HAGH: variants seen among roughly 807,000 people sequenced by gnomAD.
HAGH encodes the protein hydroxyacylglutathione hydrolase, mitochondrial.
In HAGH, 29 loss-of-function variants were observed where a neutral mutation model predicts 35.1. The observed-to-expected ratio is 0.83, with a 90% CI of 0.62 to 1.13. The LOEUF (loss-of-function observed/expected upper bound fraction) is 1.13, where lower values mean the gene tolerates loss of function less well. HAGH is among the 50% of genes most tolerant of loss of function. The probability of loss-of-function intolerance (pLI) is 0.00; values close to 1 mark genes in which losing one functional copy is unlikely to be tolerated. For synonymous variants in HAGH, 225 were observed against 176.1 expected, an observed-to-expected ratio of 1.28 and a Z score of -2.20; for missense variants, 478 against 419.6, an observed-to-expected ratio of 1.14 and a Z score of -1.22.
chr16:1,815,052 C>T (rs1295647203), intron 7 of HAGH, among the ~76,000 whole-genome samples: 1 of 151,602 alleles, frequency 6.6e-6, no homozygotes, highest in African/African-American at 2.4e-5. Flanking sequence ...TTAAAATGGA[C>T]AAAAGATTGA....
intron 1 of HAGH, among the ~76,000 whole-genome samples, chr16:1,825,866 A>C (rs1004114642): frequency 4.6e-5 from 7 of 152,088 alleles, no homozygotes; most frequent in Non-Finnish European, 1.0e-4. Context: ...GCGTCACTGC[A>C]CTTCTTTTTT....
At chr16:1,816,324 A>G (rs931576224) in intron 7 of HAGH, among the ~76,000 whole-genome samples, 1 of 152,138 alleles carries the variant, frequency 6.6e-6, no homozygotes, top group South Asian at 2.1e-4. Context: ...ATTGAAAAAG[A>G]TGCTCAAAAA....
rs534988963 is a variant in HAGH, at chr16:1,818,324, G to A, written c.541+791C>T. Among the ~76,000 whole-genome samples, 4 of 152,276 alleles carry A rather than the reference G, an allele frequency of 2.6e-5. No individual in the cohort carries two copies. The South Asian group carries it at 8.3e-4, about 32-fold the overall frequency. Reference sequence around the variant, plus strand: ...CCCCCAGCCCTGCGCACTGCAGCCTGAAGGCACCTTATCCCTCACAGCGAG... The same window carrying A: ...CCCCCAGCCCTGCGCACTGCAGCCTAAAGGCACCTTATCCCTCACAGCGAG... On this transcript the variant is annotated intron_variant, in intron 5 of 8. Coordinates refer to ENST00000397356, the MANE Select transcript of HAGH (RefSeq NM_005326.6).
intron 1 of HAGH, 187 bp downstream of exon 1, chr16:1,826,524 CG>C (rs991593647): frequency 2.9e-5 from 28 of 980,442 alleles, no homozygotes; most frequent in Non-Finnish European, 3.4e-5. Context: ...TTTCCGCACC[CG>C]CGGCCCCGCG....
At chr16:1,826,182 C>A (rs919086865) in intron 1 of HAGH, among the ~76,000 whole-genome samples, 3 of 152,150 alleles carry the variant, frequency 2.0e-5, no homozygotes, top group East Asian at 1.9e-4. Context: ...CCCTGCGCTG[C>A]GCACCCGCCC....
At chr16:1,814,470 G>A (rs188495240) in intron 7 of HAGH, among the ~76,000 whole-genome samples, 2 of 137,110 alleles carry the variant, frequency 1.5e-5, no homozygotes, top group African/African-American at 5.7e-5. Flanking sequence ...GTGAAACTCC[G>A]TCTCAAAAAA....
chr16:1,816,214 T>TTA (rs1555467542), intron 7 of HAGH, among the ~76,000 whole-genome samples: 2 of 134,066 alleles, frequency 1.5e-5, no homozygotes, highest in East Asian at 4.4e-4. Context: ...AAAAAAAAAT[T>TTA]AAAAAAAAAA....
chr16:1,811,975 G>A (rs1427042481), intron 7 of HAGH, among the ~76,000 whole-genome samples: 1 of 150,974 alleles, frequency 6.6e-6, no homozygotes, highest in Non-Finnish European at 1.5e-5. Context: ...AGGATCACTT[G>A]AGCCCAGAAG....
chr16:1,809,271 T>A lies in HAGH; in HGVS notation c.*12A>T. ...GCCTAATCCCCAAATCCGCTGAAGG[T>A]GCAGGGCGGCCTCAGTCCCGGGGCA... On this transcript the variant is annotated 3_prime_UTR_variant, in exon 9 of 9. Coordinates refer to ENST00000397356, the MANE Select transcript of HAGH (RefSeq NM_005326.6). The A allele has an allele frequency of 1.3e-6, 2 of 1,575,610 alleles. No individual in the cohort carries two copies. Among genetic ancestry groups the A allele is most frequent in the Non-Finnish European group, 1.7e-6 (2 of 1,149,546 alleles).
chr16:1,808,982 C>T lies in HAGH; in HGVS notation c.*301G>A. 1 of 368,436 alleles carries T rather than the reference C, an allele frequency of 2.7e-6. No individual in the cohort carries two copies. Among genetic ancestry groups the T allele is most frequent in the East Asian group, 4.5e-5 (1 of 22,048 alleles). The allele number at this position is 368,436 out of a possible 1,614,324, so 22.8% of individuals were successfully genotyped here. On this transcript the variant is annotated 3_prime_UTR_variant, in exon 9 of 9. Transcript: ENST00000397356. ...CCCAGCCAAGGCCACAGCAAAGGCA[C>T]CGGCTCACGCCTGACCTGAAGCGTG...
At chr16:1,820,459 G>A (rs1042213577) in intron 3 of HAGH, among the ~76,000 whole-genome samples, 5 of 150,528 alleles carry the variant, frequency 3.3e-5, no homozygotes, top group Non-Finnish European at 7.4e-5. Context: ...CCCAGTTTGT[G>A]GCCCGACACT....
At chr16:1,821,217 C>T (rs867700417) in intron 3 of HAGH, among the ~76,000 whole-genome samples, 1 of 152,160 alleles carries the variant, frequency 6.6e-6, no homozygotes, top group Non-Finnish European at 1.5e-5. Context: ...CTGATGACCC[C>T]GAAGAGGCTC....
chr16:1,810,618 A>C (rs566966260), intron 7 of HAGH: 1 of 153,546 alleles, frequency 6.5e-6, no homozygotes, highest in African/African-American at 2.4e-5. Context: ...CGGGGCCAAC[A>C]GTTAGCAGGA....
chr16:1,818,132 G>A (rs74002495), intron 5 of HAGH, among the ~76,000 whole-genome samples: 8,407 of 152,258 alleles, frequency 0.055, 252 homozygotes, highest in East Asian at 0.12. Context: ...AGACAGAGGC[G>A]AACTTGGGGC....
At chr16:1,825,948 C>T (rs1398763841) in intron 1 of HAGH, among the ~76,000 whole-genome samples, 1 of 152,184 alleles carries the variant, frequency 6.6e-6, no homozygotes, top group African/African-American at 2.4e-5. Context: ...TGGGGCCTCC[C>T]TTAGAATGGG....
chr16:1,812,512 A>AAAAC (rs1384347937), intron 7 of HAGH: 1 of 25,278 alleles, frequency 4.0e-5, no homozygotes, highest in Non-Finnish European at 1.1e-4. Flanking sequence ...CTCAAAAAAA[A>AAAAC]AAAAAAACAA....
At chr16:1,826,410 G>T in intron 1 of HAGH, 1 of 315,664 alleles carries the variant, frequency 3.2e-6, no homozygotes, top group Non-Finnish European at 4.6e-6. Context: ...CCTCGGCGCC[G>T]GCCCGGGCAG....
chr16:1,817,133 C>T (rs771881240), intron 6 of HAGH, 35 bp downstream of exon 6: 2 of 1,474,528 alleles, frequency 1.4e-6, no homozygotes, highest in East Asian at 2.3e-5. Context: ...GGTTAAGGCC[C>T]CCCACACCCC....
Position 1,826,814 on chromosome 16 carries a change from C to G in HAGH, c.-27G>C. On this transcript the variant is annotated 5_prime_UTR_variant, in exon 1 of 9. Coordinates refer to ENST00000397356, the MANE Select transcript of HAGH (RefSeq NM_005326.6). ...ACCCGGGCCGGGCTGGACTGCCGAG[C>G]TGCCCAGGACTGCAAAACACCGGCG... 1 of 1,200,844 alleles carries G rather than the reference C, an allele frequency of 8.3e-7. No individual in the cohort carries two copies. Among genetic ancestry groups the G allele is most frequent in the Non-Finnish European group, 1.0e-6 (1 of 958,882 alleles). The allele number at this position is 1,200,844 out of a possible 1,614,324, so 74.4% of individuals were successfully genotyped here.
Sources: allele counts gnomAD v4.1 joint callset (sites outside exome capture counted in the v4.1 genomes callset), GRCh38; gene constraint gnomAD v4.1.1; transcripts MANE v1.5; gene names NCBI Gene and HGNC (gene_info 2026-07-23, HGNC 2026-07-21).